Variants in FANCI observed in about 807,000 individuals in gnomAD.
The protein encoded by FANCI is Fanconi anemia group I protein.
Under a neutral mutation model 176.1 loss-of-function variants are expected in FANCI, and 156 were observed. The ratio of observed to expected loss-of-function variants is 0.89; its 90% confidence interval spans 0.78 to 1.01. FANCI has a LOEUF of 1.01. Ranked by LOEUF, FANCI falls within the 50% of genes least tolerant of loss-of-function variation. FANCI has a pLI of 0.00. For missense variants in FANCI, 1,678 were observed against 1,534.1 expected, an observed-to-expected ratio of 1.09 and a Z score of -1.57; for synonymous variants, 613 against 541.7, an observed-to-expected ratio of 1.13 and a Z score of -1.83.
intron 7 of FANCI, 137 bp from the exon 8 acceptor site, chr15:89,263,766 C>G (rs1375926974): frequency 1.9e-6 from 2 of 1,063,078 alleles, no homozygotes; most frequent in Non-Finnish European, 2.8e-6. Context: ...TCTATTATCT[C>G]TTTAATTCTC....
At chr15:89,295,683 G>T (rs1047920754) in intron 24 of FANCI, among the ~76,000 whole-genome samples, 1 of 150,792 alleles carries the variant, frequency 6.6e-6, no homozygotes, top group Non-Finnish European at 1.5e-5. Flanking sequence ...GTGAAAAAAA[G>T]TGCAGTCATT....
intron 12 of FANCI, among the ~76,000 whole-genome samples, chr15:89,275,584 T>C (rs2053379534): frequency 6.6e-6 from 1 of 152,220 alleles, no homozygotes; most frequent in Admixed American, 6.5e-5. Flanking sequence ...TAGAGTTTAT[T>C]GTTTGAGTGT....
Position 89,274,471 on chromosome 15 carries a change from T to C in FANCI, c.1112+167T>C, listed in dbSNP as rs114237472. 6.1e-3 allele frequency among the ~76,000 whole-genome samples: 924 copies of C among 152,296 alleles called. 3 individuals carry two copies. Among genetic ancestry groups the C allele is most frequent in the African/African-American group, 0.021 (869 of 41,578 alleles). ...AAACTGGTAGAGGATACTTTTTCCC[T>C]ATGGAAATATCCTTGAATCTCAGGC... is the stretch of plus-strand genomic sequence containing the variant. On this transcript the variant is annotated intron_variant, in intron 12 of 37. Transcript: ENST00000310775.
chr15:89,263,319 T>C (rs905529964), intron 6 of FANCI, 100 bp from the exon 7 acceptor site: 27 of 948,780 alleles, frequency 2.8e-5, no homozygotes, highest in Non-Finnish European at 4.6e-5. Flanking sequence ...TATTGCAAAA[T>C]CAAACTTGAA....
rs2151485731 is a variant in FANCI, at chr15:89,276,706, T to C, written c.1113-5T>C. ...CTTTTTTAACTAAGCTTTGTGTTCT[T>C]GTAGCGTTCATAGCTGGGACCATGT... On this transcript the variant is annotated splice_region_variant and splice_polypyrimidine_tract_variant and intron_variant, in intron 12 of 37. Transcript: ENST00000310775. The C allele has an allele frequency of 2.5e-6, 4 of 1,614,174 alleles. No homozygotes were observed. Among genetic ancestry groups the C allele is most frequent in the Non-Finnish European group, 3.4e-6 (4 of 1,180,010 alleles).
intron 35 of FANCI, among the ~76,000 whole-genome samples, chr15:89,313,843 A>C (rs1410080611): frequency 6.6e-6 from 1 of 152,094 alleles, no homozygotes; most frequent in African/African-American, 2.4e-5. Flanking sequence ...AGCTCTCTGG[A>C]ATTATCTCCA....
intron 4 of FANCI, among the ~76,000 whole-genome samples, chr15:89,261,261 A>G (rs1398690777): frequency 1.3e-5 from 2 of 151,792 alleles, no homozygotes; most frequent in African/African-American, 2.4e-5. Flanking sequence ...GCAGAGTGAG[A>G]CCCCGTCTCA....
Position 89,247,741 on chromosome 15 carries a change from A to C in FANCI, c.84+10A>C. 6.2e-7 allele frequency: 1 copy of C among 1,612,244 alleles called. No homozygotes were observed. Among genetic ancestry groups the C allele is most frequent in the Non-Finnish European group, 8.5e-7 (1 of 1,178,406 alleles). ...CCTGAGAGAAGGTGATGTGAGTATT[A>C]GGAAGCATGTTCTGCTAAAAGTAAA... On this transcript the variant is annotated intron_variant, in intron 2 of 37. Coordinates refer to ENST00000310775, the MANE Select transcript of FANCI (RefSeq NM_001113378.2).
chr15:89,301,614 A>G (rs1410879966), intron 27 of FANCI, among the ~76,000 whole-genome samples, 172 bp downstream of exon 27: 2 of 152,322 alleles, frequency 1.3e-5, no homozygotes, highest in East Asian at 3.9e-4. Flanking sequence ...TTTCCTGTGT[A>G]ATGCGTCTAC....
chr15:89,281,553 G>A (rs1555446004), intron 15 of FANCI, among the ~76,000 whole-genome samples: 1 of 152,054 alleles, frequency 6.6e-6, no homozygotes, highest in Non-Finnish European at 1.5e-5. Flanking sequence ...GAACATTATT[G>A]ACTACAATAG....
At chr15:89,291,818 C>T (rs957074818) in intron 20 of FANCI, 104 bp downstream of exon 20, 2 of 893,604 alleles carry the variant, frequency 2.2e-6, no homozygotes, top group Non-Finnish European at 3.7e-6. Flanking sequence ...CCTGGTTCTT[C>T]CAATGAATGT....
chr15:89,309,505 A>T (rs1406270270), intron 34 of FANCI, among the ~76,000 whole-genome samples: 1 of 152,148 alleles, frequency 6.6e-6, no homozygotes, highest in Non-Finnish European at 1.5e-5. Flanking sequence ...TGAGGTAAGA[A>T]GATCACTTGA....
chr15:89,315,154 G>A (rs2055175031), intron 36 of FANCI, 128 bp from the exon 37 acceptor site: 2 of 742,446 alleles, frequency 2.7e-6, no homozygotes, highest in Admixed American at 1.9e-5. Context: ...GCATACAGAA[G>A]GAAGTGGGTG....
intron 15 of FANCI, 90 bp from the exon 16 acceptor site, chr15:89,281,674 TA>T: frequency 1.7e-6 from 2 of 1,186,154 alleles, no homozygotes; most frequent in East Asian, 4.7e-5. Context: ...TAAGCTTCCT[TA>T]TAGAAGCCAT....
At chr15:89,282,757 A>G (rs1015764311) in intron 16 of FANCI, 3 of 317,340 alleles carry the variant, frequency 9.5e-6, no homozygotes, top group African/African-American at 6.4e-5. Context: ...ATATTACATT[A>G]TCCTATGATG....
chr15:89,264,195 A>G (rs2052840660), intron 8 of FANCI, among the ~76,000 whole-genome samples, 169 bp downstream of exon 8: 1 of 152,208 alleles, frequency 6.6e-6, no homozygotes, highest in Non-Finnish European at 1.5e-5. Flanking sequence ...TTTCACATAT[A>G]GTGGTTTGGT....
Position 89,261,589 on chromosome 15 carries a change from AC to A in FANCI, c.295del (p.His99IlefsTer10), listed in dbSNP as rs759398314. The A allele has an allele frequency of 1.9e-6, 3 of 1,614,136 alleles. No individual in the cohort carries two copies. The South Asian group carries it at 3.3e-5, about 18-fold the overall frequency. ...CTTTATCCTGTGAACTTTTAGGCTCACCATTTTCCAGGACCATTATTGGTTG... is the reference window on the plus strand; with the variant it reads ...CTTTATCCTGTGAACTTTTAGGCTCACATTTTCCAGGACCATTATTGGTTG... Reference protein sequence around the residue: ...EIIGLLMLEAHHFPGPLLVEL... With the variant: ...EIIGLLMLEAXHFPGPLLVEL... On this transcript the variant is annotated frameshift_variant, in exon 5 of 38. Coordinates refer to ENST00000310775, the MANE Select transcript of FANCI (RefSeq NM_001113378.2). LOFTEE classifies it high-confidence loss of function.
At position 89,283,183 on chromosome 15, in the gene FANCI, T is replaced by C. The variant is rs778082644; in HGVS notation, c.1631T>C (p.Leu544Pro). ...KSAVAGFLLL[L>P]KNFKVLGSLS... ...GCAGTTGCTGGGTTTTTGCTGCTCCTGAAGAACTTTAAAGTTTTAGGCAGC... is the reference window on the plus strand; with the variant it reads ...GCAGTTGCTGGGTTTTTGCTGCTCCCGAAGAACTTTAAAGTTTTAGGCAGC... The change falls in exon 17 of 38, where the codon CTG becomes CCG. Residue 544 changes from leucine to proline, a missense_variant. This residue lies in a region of FANCI where 1,204 missense variants were observed against 1,077.4 expected (regional missense o/e 1.12). Coordinates refer to ENST00000310775, the MANE Select transcript of FANCI (RefSeq NM_001113378.2). 6.2e-7 allele frequency: 1 copy of C among 1,614,206 alleles called. No homozygotes were observed. Among genetic ancestry groups the C allele is most frequent in the Admixed American group, 1.7e-5 (1 of 60,028 alleles).
At chr15:89,308,878 G>A (rs184372045) in intron 34 of FANCI, among the ~76,000 whole-genome samples, 7 of 152,050 alleles carry the variant, frequency 4.6e-5, no homozygotes, top group Admixed American at 6.5e-5. Context: ...CCTGGAGGGC[G>A]GAGGTTGCAG....
Sources: allele counts gnomAD v4.1 joint callset (sites outside exome capture counted in the v4.1 genomes callset), GRCh38; gene constraint gnomAD v4.1.1; regional missense constraint gnomAD v4.1.1; transcripts MANE v1.5; gene names NCBI Gene and HGNC (gene_info 2026-07-23, HGNC 2026-07-21).